Variants in PHKG1 observed in about 807,000 individuals in gnomAD.
The protein encoded by PHKG1 is phosphorylase kinase catalytic subunit gamma 1, also known as phosphorylase b kinase gamma catalytic chain, skeletal muscle/heart isoform.
In PHKG1, 48 loss-of-function variants were observed where a neutral mutation model predicts 50.5. The ratio of observed to expected loss-of-function variants is 0.95; its 90% CI spans 0.75 to 1.21. PHKG1 has a LOEUF of 1.21. Ranked by LOEUF, PHKG1 falls within the 50% of genes most tolerant of loss-of-function variation. The pLI, the probability that PHKG1 is intolerant of heterozygous loss-of-function variation, is 0.00. For missense variants in PHKG1, 487 were observed against 519.5 expected (o/e 0.94, Z 0.61); for synonymous variants, 204 against 212.8 (o/e 0.96, Z 0.36).
In PHKG1 at chr7:56,081,400, G is replaced by C. The variant is rs1584617053; in HGVS notation, c.919-101C>G. On this transcript the variant is annotated intron_variant, in intron 9 of 9. Transcript: ENST00000297373. The surrounding 1 kb of genome is among the most constrained non-coding windows in gnomAD (Gnocchi z 4.6). ...TGGGCTCGTTTGCCACGAAGCCTTGGGTGGCTTCTGCGGGGCCTTCCTAGT... is the reference window on the plus strand; with the variant it reads ...TGGGCTCGTTTGCCACGAAGCCTTGCGTGGCTTCTGCGGGGCCTTCCTAGT... The C allele has an allele frequency of 7.0e-7, 1 of 1,438,236 alleles. No individual in the cohort carries two copies. The highest frequency in any genetic ancestry group is 2.4e-5 in the East Asian group (1 of 41,080). The allele number at this position is 1,438,236 out of a possible 1,614,324, so 89.1% of individuals were successfully genotyped here. A position where few individuals can be genotyped will look rare whatever the true frequency, so the allele number is the denominator to read the frequency against.
intron 4 of PHKG1, 157 bp downstream of exon 4, chr7:56,086,813 G>T: frequency 1.6e-6 from 1 of 638,840 alleles, no homozygotes; most frequent in Non-Finnish European, 2.9e-6. Flanking sequence ...AAAGCCGGCA[G>T]CCTGACCCCA....
rs957497255 is a variant in PHKG1 at position 56,087,753 on chromosome 7, C to T, written c.107G>A (p.Arg36Gln). The T allele has an allele frequency of 1.1e-5, 18 of 1,612,604 alleles. No homozygotes were observed. The highest frequency in any genetic ancestry group is 8.0e-5 in the African/African-American group (6 of 74,922). Residue 36 changes from arginine to glutamine, a missense_variant, in exon 3 of 10, where the codon CGA becomes CAA. Coordinates refer to ENST00000297373, the MANE Select transcript of PHKG1 (RefSeq NM_006213.5). The stretch of plus-strand genomic sequence containing the variant: ...CTGGCTCGTGGGCTTGTGGATGCAT[C>T]GCCTGACCACACTGCTAACGCCCCT... The part of the protein sequence containing the change: ...LGRGVSSVVR[R>Q]CIHKPTSQEY...
intron 3 of PHKG1, 106 bp downstream of exon 3, chr7:56,087,492 G>T: frequency 2.8e-6 from 3 of 1,070,884 alleles, no homozygotes; most frequent in East Asian, 2.5e-5. Context: ...CCTTGAGCCT[G>T]GGTGGTTCTA....
rs751237046 is a variant in PHKG1, at chr7:56,088,823, T to TAG, written c.83+34_83+35dup. ...GTAGCCCACAGGGTCTGCTGGAGCC[T>TAG]AGGACAGCACTTCGTGGGGAAAGCT... On this transcript the variant is annotated intron_variant, in intron 2 of 9. Transcript: ENST00000297373. The TAG allele has an allele frequency of 7.3e-5, 108 of 1,474,672 alleles. No homozygotes were observed. The African/African-American group carries it at 1.2e-3, about 16-fold the overall frequency. 91.3% of individuals were successfully genotyped at this position (1,474,672 alleles called of 1,614,324 possible).
In PHKG1 at chr7:56,080,593, T is replaced by A. The variant is rs1313663060; in HGVS notation, c.*461A>T. On this transcript the variant is annotated 3_prime_UTR_variant, in exon 10 of 10. Coordinates refer to ENST00000297373, the MANE Select transcript of PHKG1 (RefSeq NM_006213.5). The stretch of plus-strand genomic sequence containing the variant: ...TTCTCCATATGCCTCCAAAAACATG[T>A]CCCTGGAGAGTAGCCTGCTCCCACA... 1 of 192,936 alleles carries A rather than the reference T, an allele frequency of 5.2e-6. No homozygotes were observed. 12.0% of individuals were successfully genotyped at this position (192,936 alleles called of 1,614,324 possible).
At position 56,081,856 on chromosome 7, in the gene PHKG1, G is replaced by A. The variant is rs369986453; in HGVS notation, c.792+37C>T. ...CCGGGCAGGGGCGCCTGGCATCGCA[G>A]CCCTGAGCCCAGGAGCCAGTTGGCC... On this transcript the variant is annotated intron_variant, in intron 8 of 9. Transcript: ENST00000297373. This position sits in a 1 kb window ranked among gnomAD's most constrained non-coding sequence, Gnocchi z 4.6. The A allele has an allele frequency of 1.4e-5, 22 of 1,611,562 alleles. No individual in the cohort carries two copies. The highest frequency in any genetic ancestry group is 3.3e-4 in the Middle Eastern group (2 of 6,050).
chr7:56,087,918 G>A (rs1796331655), intron 2 of PHKG1, 142 bp from the exon 3 acceptor site: 1 of 629,312 alleles, frequency 1.6e-6, no homozygotes, highest in Non-Finnish European at 2.7e-6. Context: ...GGAAATGGTG[G>A]ATGAATAAAT....
Position 56,083,453 on chromosome 7 carries a change from C to T in PHKG1, c.384-12G>A, listed in dbSNP as rs377248746. On this transcript the variant is annotated splice_polypyrimidine_tract_variant and intron_variant, in intron 5 of 9. Coordinates refer to ENST00000297373, the MANE Select transcript of PHKG1 (RefSeq NM_006213.5). Reference sequence around the variant, plus strand: ...CTCGCATGATCTTTCTAGGGTGGGGCACACACTTGTTACTCTTCCTCTGCT... The same window carrying T: ...CTCGCATGATCTTTCTAGGGTGGGGTACACACTTGTTACTCTTCCTCTGCT... The T allele has an allele frequency of 3.1e-6, 5 of 1,613,558 alleles. No individual in the cohort carries two copies. In the African/African-American group the frequency reaches 4.0e-5, roughly 13 times the overall value.
chr7:56,081,896 G>A lies in PHKG1; in HGVS notation c.789C>T (p.Asp263=), dbSNP rs200728838. 2 of 1,613,420 alleles carry A rather than the reference G, an allele frequency of 1.2e-6. No individual in the cohort carries two copies. Among genetic ancestry groups the A allele is most frequent in the Non-Finnish European group, 1.7e-6 (2 of 1,179,936 alleles). Reference sequence around the variant, plus strand: ...GCCAGTTGGCCTGGCCTCTCACCAGGTCCTTCACGGTGTCCGAGTAATCAT... The same window carrying A: ...GCCAGTTGGCCTGGCCTCTCACCAGATCCTTCACGGTGTCCGAGTAATCAT... ...EWDDYSDTVK[D]LVSRFLVVQP... Residue 263 remains aspartate (D), a synonymous_variant, in exon 8 of 10, where the codon GAC becomes GAT. Coordinates refer to ENST00000297373, the MANE Select transcript of PHKG1 (RefSeq NM_006213.5). This position sits in a 1 kb window ranked among gnomAD's most constrained non-coding sequence, Gnocchi z 4.6.
intron 6 of PHKG1, 184 bp downstream of exon 6, chr7:56,083,094 A>C: frequency 1.8e-6 from 1 of 566,166 alleles, no homozygotes; most frequent in South Asian, 2.2e-5. Context: ...CGACAGAGTG[A>C]GACTCCATCT....
rs1796276782 is a variant in PHKG1 at position 56,086,957 on chromosome 7, G to A, written c.317+13C>T. On this transcript the variant is annotated intron_variant, in intron 4 of 9. Coordinates refer to ENST00000297373, the MANE Select transcript of PHKG1 (RefSeq NM_006213.5). ...TCTCTCAGGTGTGGCTTGCTCCAGT[G>A]CTGGGTACTTACAGGTCAAACACCA... 6.2e-7 allele frequency: 1 copy of A among 1,608,144 alleles called. No individual in the cohort carries two copies. The highest frequency in any genetic ancestry group is 8.5e-7 in the Non-Finnish European group (1 of 1,174,630).
chr7:56,085,690 C>T (rs1414708894), intron 4 of PHKG1, among the ~76,000 whole-genome samples: 2 of 152,134 alleles, frequency 1.3e-5, no homozygotes, highest in African/African-American at 2.4e-5. Flanking sequence ...TCAGCCTGGG[C>T]GCAGTGGCTC....
At chr7:56,087,919 A>T in intron 2 of PHKG1, 143 bp from the exon 3 acceptor site, 1 of 558,206 alleles carries the variant, frequency 1.8e-6, no homozygotes, top group Non-Finnish European at 3.1e-6. Flanking sequence ...GAAATGGTGG[A>T]TGAATAAATA....
intron 7 of PHKG1, 24 bp from the exon 8 acceptor site, chr7:56,082,070 C>T (rs777335793): frequency 2.5e-6 from 4 of 1,609,394 alleles, no homozygotes; most frequent in African/African-American, 2.7e-5. Context: ...GGCCCAGGGC[C>T]ACTTACCCAG....
Position 56,083,197 on chromosome 7 carries a change from G to A in PHKG1, c.547+81C>T. On this transcript the variant is annotated intron_variant, in intron 6 of 9. Transcript: ENST00000297373. ...TCCAGGGAACAATTAAGTTAGGGGA[G>A]AAACCCAGACCATCTCTATTCTGCA... 3 of 1,291,640 alleles carry A rather than the reference G, an allele frequency of 2.3e-6. No individual in the cohort carries two copies. In the South Asian group the frequency reaches 3.9e-5, roughly 17 times the overall value. The allele number at this position is 1,291,640 out of a possible 1,614,324, so 80.0% of individuals were successfully genotyped here.
intron 2 of PHKG1, chr7:56,088,648 C>T (rs569701903): frequency 1.4e-5 from 7 of 485,586 alleles, no homozygotes; most frequent in East Asian, 3.4e-5. Flanking sequence ...TGAGCCATTG[C>T]GCCTGCCCCT....
At position 56,087,620 on chromosome 7, in the gene PHKG1, C is replaced by T. The variant is rs765690945; in HGVS notation, c.240G>A (p.Lys80=). 3 of 1,613,830 alleles carry T rather than the reference C, an allele frequency of 1.9e-6. No homozygotes were observed. Among genetic ancestry groups the T allele is most frequent in the Admixed American group, 3.3e-5 (2 of 59,994 alleles). The change falls in exon 3 of 10, where the codon AAG becomes AAA. Residue 80 remains lysine, a synonymous_variant. Transcript: ENST00000297373. The stretch of plus-strand genomic sequence containing the variant: ...CACTGATGTTGGGGTGCCCTGAGAC[C>T]TTGCGCAGGATGTCCACCTCCTTCA... ...ATLKEVDILR[K]VSGHPNIIQL...
At chr7:56,086,592 G>A (rs1372816002) in intron 4 of PHKG1, among the ~76,000 whole-genome samples, 2 of 152,106 alleles carry the variant, frequency 1.3e-5, no homozygotes, top group African/African-American at 2.4e-5. Context: ...GGGTTCAAGC[G>A]ATTCTCCTGC....
rs574899814 is a variant in PHKG1 at position 56,086,868 on chromosome 7, G to A, written c.317+102C>T. Reference sequence around the variant, plus strand: ...ACCGTGATTGTATTTGGCATCCTCAGCGCAGGAGCTGGCTGTGGTCTCCAG... The same window carrying A: ...ACCGTGATTGTATTTGGCATCCTCAACGCAGGAGCTGGCTGTGGTCTCCAG... On this transcript the variant is annotated intron_variant, in intron 4 of 9. Transcript: ENST00000297373. The A allele has an allele frequency of 1.8e-5, 16 of 884,094 alleles. No individual in the cohort carries two copies. In the African/African-American group the frequency reaches 2.6e-4, roughly 14 times the overall value. 54.8% of individuals were successfully genotyped at this position (884,094 alleles called of 1,614,324 possible). A position where few individuals can be genotyped will look rare whatever the true frequency, so the allele number is the denominator to read the frequency against.
Sources: gnomAD v4.1 joint callset for allele counts (sites outside exome capture counted in the v4.1 genomes callset) on GRCh38, gnomAD v4.1.1 for gene constraint, Gnocchi (gnomAD v3.1) non-coding constraint, MANE v1.5 for transcripts, NCBI Gene and HGNC (gene_info 2026-07-23, HGNC 2026-07-21) for gene names.